The following COL23A1 variants were observed in gnomAD, a reference collection of about 807,000 sequenced individuals.
The protein encoded by COL23A1 is collagen alpha-1(XXIII) chain.
Under a neutral mutation model 99.3 loss-of-function variants are expected in COL23A1, and 97 were observed. The observed-to-expected ratio is 0.98, with a 90% CI of 0.83 to 1.16. The LOEUF (loss-of-function observed/expected upper bound fraction) is 1.16. Among genes scored for constraint, COL23A1 ranks in the 50% most tolerant of loss-of-function variants. The pLI, the probability that COL23A1 is intolerant of heterozygous loss-of-function variation, is 0.00. For missense variants in COL23A1, 762 were observed against 757.4 expected, an observed-to-expected ratio of 1.01 and a Z score of -0.07; for synonymous variants, 320 against 308.2, an observed-to-expected ratio of 1.04 and a Z score of -0.40.
At chr5:178,238,768 T>A in intron 28 of COL23A1, 68 bp from the exon 29 acceptor site, 3 of 1,603,238 alleles carry the variant, frequency 1.9e-6, no homozygotes, top group Non-Finnish European at 2.6e-6. Flanking sequence ...CCAGGCCACC[T>A]TGCCTGGCCT....
chr5:178,582,622 G>C (rs1256223204), intron 1 of COL23A1, among the ~76,000 whole-genome samples: 2 of 152,182 alleles, frequency 1.3e-5, no homozygotes, highest in Non-Finnish European at 2.9e-5. Context: ...GAGGCTCAGA[G>C]AGGCCCCCAG....
At chr5:178,391,098 T>C (rs942336042) in intron 2 of COL23A1, among the ~76,000 whole-genome samples, 4 of 152,228 alleles carry the variant, frequency 2.6e-5, no homozygotes, top group Non-Finnish European at 5.9e-5. Flanking sequence ...AGCAGCGGCA[T>C]CAGATTCTCA....
chr5:178,279,799 C>T (rs1009905406), intron 5 of COL23A1, among the ~76,000 whole-genome samples: 1 of 152,242 alleles, frequency 6.6e-6, no homozygotes, highest in African/African-American at 2.4e-5. Flanking sequence ...ATCCTCTTCA[C>T]CTTCTGACTT....
chr5:178,571,625 T>C (rs1345706006), intron 1 of COL23A1, among the ~76,000 whole-genome samples: 3 of 151,858 alleles, frequency 2.0e-5, no homozygotes, highest in African/African-American at 7.3e-5. Flanking sequence ...AGCAGGAAAA[T>C]AGGCCCTATG....
At chr5:178,379,928 T>C (rs929063833) in intron 2 of COL23A1, among the ~76,000 whole-genome samples, 1 of 147,190 alleles carries the variant, frequency 6.8e-6, no homozygotes, top group Non-Finnish European at 1.5e-5. Flanking sequence ...CAAGGAAAAA[T>C]AACTACCCAT....
At chr5:178,338,992 A>G (rs891782709) in intron 2 of COL23A1, among the ~76,000 whole-genome samples, 40 of 152,252 alleles carry the variant, frequency 2.6e-4, no homozygotes, top group Non-Finnish European at 2.9e-5. Context: ...CCTGTGGGTC[A>G]TGAATTCACT....
intron 1 of COL23A1, among the ~76,000 whole-genome samples, chr5:178,580,586 T>C (rs1285157723): frequency 2.0e-5 from 3 of 152,186 alleles, no homozygotes; most frequent in Admixed American, 6.5e-5. Flanking sequence ...CAACACATGA[T>C]GAAAACTGCA....
chr5:178,351,640 G>T (rs1316026158), intron 2 of COL23A1, among the ~76,000 whole-genome samples: 1 of 152,156 alleles, frequency 6.6e-6, no homozygotes, highest in Non-Finnish European at 1.5e-5. Context: ...AAGGTTTGGG[G>T]TCATCTGGGG....
At chr5:178,381,351 C>A (rs1179217219) in intron 2 of COL23A1, among the ~76,000 whole-genome samples, 1 of 152,222 alleles carries the variant, frequency 6.6e-6, no homozygotes, top group Non-Finnish European at 1.5e-5. Context: ...GGAAGGCCAG[C>A]AAGTACGATG....
At chr5:178,541,498 C>T (rs1049320685) in intron 2 of COL23A1, among the ~76,000 whole-genome samples, 8 of 152,104 alleles carry the variant, frequency 5.3e-5, no homozygotes, top group African/African-American at 1.9e-4. Flanking sequence ...TCGCTGGAAC[C>T]CAGGAGGTGG....
chr5:178,417,219 T>C lies in COL23A1; in HGVS notation c.362-110300A>G, dbSNP rs765023120. On this transcript the variant is annotated intron_variant, in intron 2 of 28. Transcript: ENST00000390654. ...CTCTTCTGGATGTACATACAACACA[T>C]ACAACACACATGCATCTGTTCAACA... Among the ~76,000 whole-genome samples the C allele has an allele frequency of 2.6e-5, 4 of 152,048 alleles. 1 individual carries two copies. The South Asian group carries it at 8.3e-4, about 32-fold the overall frequency.
chr5:178,241,812 G>C (rs999699095), intron 27 of COL23A1, among the ~76,000 whole-genome samples: 2 of 152,258 alleles, frequency 1.3e-5, no homozygotes, highest in African/African-American at 2.4e-5. Flanking sequence ...CTCTACAGAG[G>C]GGCTGGGTTC....
chr5:178,386,689 T>A (rs1358430961), intron 2 of COL23A1, among the ~76,000 whole-genome samples: 1 of 152,068 alleles, frequency 6.6e-6, no homozygotes, highest in Non-Finnish European at 1.5e-5. Flanking sequence ...GGAAGCGTTA[T>A]CAGCGCAGAA....
intron 18 of COL23A1, among the ~76,000 whole-genome samples, chr5:178,249,605 C>A (rs562843162): frequency 2.5e-4 from 38 of 152,280 alleles, no homozygotes; most frequent in Non-Finnish European, 4.6e-4. Flanking sequence ...GGATGAGACA[C>A]ACACTGCGGA....
At chr5:178,353,760 C>T (rs938979443) in intron 2 of COL23A1, among the ~76,000 whole-genome samples, 9 of 152,232 alleles carry the variant, frequency 5.9e-5, no homozygotes, top group South Asian at 2.1e-4. Context: ...TCATCACAGA[C>T]GCTTGGACCC....
At position 178,309,599 on chromosome 5, in the gene COL23A1, A is replaced by G. The variant is rs185765041; in HGVS notation, c.362-2680T>C. Among the ~76,000 whole-genome samples, 102 of 152,010 alleles carry G rather than the reference A, an allele frequency of 6.7e-4. No homozygotes were observed. The highest frequency in any genetic ancestry group is 2.4e-3 in the African/African-American group (99 of 41,434). On this transcript the variant is annotated intron_variant, in intron 2 of 28. Coordinates refer to ENST00000390654, the MANE Select transcript of COL23A1 (RefSeq NM_173465.4). The surrounding 1 kb of genome is among the most constrained non-coding windows in gnomAD (Gnocchi z 4.7). ...TAAATGTCCAACTCCACTGGGAGGC[A>G]CCACTTCCAAACTCAAGCTCACCTC...
intron 2 of COL23A1, among the ~76,000 whole-genome samples, chr5:178,433,830 T>A (rs1766398898): frequency 6.6e-6 from 1 of 152,148 alleles, no homozygotes; most frequent in Non-Finnish European, 1.5e-5. Flanking sequence ...GAGATTACTG[T>A]TTTTGGAGAT....
chr5:178,419,901 C>T (rs1173803210), intron 2 of COL23A1, among the ~76,000 whole-genome samples: 1 of 152,196 alleles, frequency 6.6e-6, no homozygotes, highest in South Asian at 2.1e-4. Flanking sequence ...CTTTCTGTAC[C>T]GCACCTCTGA....
In COL23A1 at chr5:178,248,217, G is replaced by T; in HGVS notation, c.1187C>A (p.Ala396Glu). ...DGLKGEKGES[A>E]SDSLQESLAQ... ...CAGGCTCTCCTGTAGGCTGTCAGAC[G>T]CCGACTCCCCCTTCTCCCCCTTGAG... is the stretch of plus-strand genomic sequence containing the variant. Residue 396 changes from alanine (A) to glutamate (E), a missense_variant, in exon 20 of 29, where the codon GCG (alanine) becomes GAG (glutamate). Coordinates refer to ENST00000390654, the MANE Select transcript of COL23A1 (RefSeq NM_173465.4). The T allele has an allele frequency of 6.2e-7, 1 of 1,610,074 alleles. No homozygotes were observed. The highest frequency in any genetic ancestry group is 8.5e-7 in the Non-Finnish European group (1 of 1,176,978).
Sources: gnomAD v4.1 joint callset for allele counts (sites outside exome capture counted in the v4.1 genomes callset) on GRCh38, gnomAD v4.1.1 for gene constraint, Gnocchi (gnomAD v3.1) non-coding constraint, MANE v1.5 for transcripts, NCBI Gene and HGNC (gene_info 2026-07-23, HGNC 2026-07-21) for gene names.